The following RANBP2 variants were observed in gnomAD, a reference collection of about 807,000 sequenced individuals.
The protein encoded by RANBP2 is RAN binding protein 2, also known as E3 SUMO-protein ligase RanBP2.
RANBP2 carries 57 observed loss-of-function variants against 303.6 expected under a neutral mutation model. The ratio of observed to expected loss-of-function variants is 0.19; its 90% CI spans 0.15 to 0.23. The LOEUF (loss-of-function observed/expected upper bound fraction) is 0.23. Ranked by LOEUF, RANBP2 falls within the 10% of genes least tolerant of loss-of-function variation. The probability of loss-of-function intolerance (pLI) is 1.00; values close to 1 mark genes in which losing one functional copy is unlikely to be tolerated. For missense variants in RANBP2, 3,138 were observed against 3,780.8 expected (o/e 0.83, Z 4.46); for synonymous variants, 1,167 against 1,301.5 (o/e 0.90, Z 2.23).
the RANBP2 span, among the ~76,000 whole-genome samples, chr2:109,207,219 A>T: frequency 6.6e-6 from 1 of 152,192 alleles, no homozygotes; most frequent in Non-Finnish European, 1.5e-5. Context: ...TGTTTACAGC[A>T]GTTCATTTTT....
chr2:109,343,389 A>G, the RANBP2 span, among the ~76,000 whole-genome samples: 3 of 151,856 alleles, frequency 2.0e-5, no homozygotes, highest in African/African-American at 4.8e-5. Context: ...TCCCTCAGAA[A>G]TGTGTCCTGC....
At chr2:109,570,712 T>C in the RANBP2 span, among the ~76,000 whole-genome samples, 1 of 151,704 alleles carries the variant, frequency 6.6e-6, no homozygotes, top group South Asian at 2.1e-4. Flanking sequence ...TTAGTAGAGA[T>C]GGGGTTTCAC....
chr2:109,507,697 C>A, the RANBP2 span, among the ~76,000 whole-genome samples: 7 of 152,334 alleles, frequency 4.6e-5, no homozygotes, highest in Admixed American at 4.6e-4. Context: ...AAATCCCAGA[C>A]ACCCAAGAAA....
the RANBP2 span, chr2:108,930,192 G>A: frequency 8.1e-6 from 13 of 1,613,964 alleles, no homozygotes; most frequent in Middle Eastern, 1.6e-4. Flanking sequence ...TGTAGTACTC[G>A]TTCTCACCGC....
chr2:109,335,868 A>G, the RANBP2 span, among the ~76,000 whole-genome samples: 2 of 152,348 alleles, frequency 1.3e-5, no homozygotes, highest in South Asian at 4.2e-4. Flanking sequence ...TGCTTAGAAA[A>G]CTTGAAAGCA....
At chr2:108,860,935 CTTT>C in the RANBP2 span, among the ~76,000 whole-genome samples, 53 of 37,928 alleles carry the variant, frequency 1.4e-3, 4 homozygotes, top group Admixed American at 7.0e-3. Flanking sequence ...TGGTCCAGGA[CTTT>C]TTTTTTTTTT....
the RANBP2 span, among the ~76,000 whole-genome samples, chr2:109,256,054 T>C: frequency 6.6e-6 from 1 of 152,166 alleles, no homozygotes. Context: ...TCCTCACAAA[T>C]GTAAGCCTGT....
At chr2:108,793,901 C>A in the RANBP2 span, among the ~76,000 whole-genome samples, 1 of 151,994 alleles carries the variant, frequency 6.6e-6, no homozygotes, top group African/African-American at 2.4e-5. Context: ...CGCGCCCTGC[C>A]ACCCTCAGGA....
At chr2:108,779,082 T>C (rs916417365) in intron 25 of RANBP2, among the ~76,000 whole-genome samples, 1 of 152,114 alleles carries the variant, frequency 6.6e-6, no homozygotes, top group Non-Finnish European at 1.5e-5. Flanking sequence ...GATCAGTGGT[T>C]ACTGTTCTCA....
the RANBP2 span, among the ~76,000 whole-genome samples, chr2:109,014,087 G>T: frequency 2.0e-5 from 3 of 152,210 alleles, no homozygotes; most frequent in Non-Finnish European, 4.4e-5. Context: ...TTACCAACCA[G>T]CAAGCCTTTC....
chr2:109,017,079 T>C, the RANBP2 span, among the ~76,000 whole-genome samples: 1 of 152,218 alleles, frequency 6.6e-6, no homozygotes, highest in African/African-American at 2.4e-5. Flanking sequence ...CTGAGCATAG[T>C]TTCCTCAATG....
At chr2:109,395,282 T>C in the RANBP2 span, among the ~76,000 whole-genome samples, 2,946 of 152,226 alleles carry the variant, frequency 0.019, 37 homozygotes, top group Non-Finnish European at 0.027. Context: ...GCCCTTCGGG[T>C]TAGTCCACTC....
the RANBP2 span, among the ~76,000 whole-genome samples, chr2:109,397,908 T>C: frequency 1.3e-5 from 2 of 152,238 alleles, no homozygotes; most frequent in African/African-American, 4.8e-5. Context: ...GCCTGCTATC[T>C]TGTAGAACAA....
At chr2:109,118,260 C>T in the RANBP2 span, among the ~76,000 whole-genome samples, 1 of 152,080 alleles carries the variant, frequency 6.6e-6, no homozygotes, top group African/African-American at 2.4e-5. Flanking sequence ...ACAACTGCAA[C>T]ATTTCACTCT....
the RANBP2 span, among the ~76,000 whole-genome samples, chr2:109,334,111 C>T: frequency 9.3e-3 from 1,410 of 152,250 alleles, 29 homozygotes; most frequent in African/African-American, 0.032. Context: ...ATAATCCCAG[C>T]GCTTTGGGAG....
the RANBP2 span, among the ~76,000 whole-genome samples, chr2:108,878,929 AAG>A: frequency 8.5e-5 from 13 of 152,336 alleles, no homozygotes; most frequent in Admixed American, 3.3e-4. Context: ...AACACTGAAA[AAG>A]AAATGAAATA....
the RANBP2 span, among the ~76,000 whole-genome samples, chr2:109,240,912 G>A: frequency 8.3e-6 from 1 of 120,996 alleles, no homozygotes; most frequent in Non-Finnish European, 1.6e-5. Context: ...CTTGCTCCCC[G>A]CTTCTTTTCT....
the RANBP2 span, among the ~76,000 whole-genome samples, chr2:108,975,719 A>G: frequency 6.6e-6 from 1 of 152,138 alleles, no homozygotes; most frequent in Non-Finnish European, 1.5e-5. Flanking sequence ...GTCGGAGGAA[A>G]TGACATGAGG....
At chr2:108,979,366 C>A in the RANBP2 span, among the ~76,000 whole-genome samples, 1 of 152,148 alleles carries the variant, frequency 6.6e-6, no homozygotes, top group Non-Finnish European at 1.5e-5. Flanking sequence ...TGGGCTGCCC[C>A]CTGCCCCACC....
Sources: gnomAD v4.1 joint callset for allele counts (sites outside exome capture counted in the v4.1 genomes callset) on GRCh38, gnomAD v4.1.1 for gene constraint, MANE v1.5 for transcripts, NCBI Gene and HGNC (gene_info 2026-07-23, HGNC 2026-07-21) for gene names.